B4GALNT3: variants seen among roughly 807,000 people sequenced by gnomAD.
B4GALNT3 encodes the protein beta-1,4-N-acetylgalactosaminyltransferase 3.
In B4GALNT3, 86 loss-of-function variants were observed where a neutral mutation model predicts 120.2. That is an observed-to-expected ratio of 0.72 (90% CI 0.60 to 0.86). The LOEUF (loss-of-function observed/expected upper bound fraction) is 0.86, where lower values mean the gene tolerates loss of function less well. B4GALNT3 is among the 40% of genes least tolerant of loss of function. The probability of loss-of-function intolerance (pLI) is 0.00; values close to 1 mark genes in which losing one functional copy is unlikely to be tolerated. For missense variants in B4GALNT3, 1,167 were observed against 1,298.9 expected (o/e 0.90, Z 1.56); for synonymous variants, 518 against 510.4 (o/e 1.01, Z -0.20).
intron 14 of B4GALNT3, among the ~76,000 whole-genome samples, chr12:555,994 A>G (rs1337865397): frequency 7.1e-4 from 107 of 151,576 alleles, no homozygotes; most frequent in Middle Eastern, 3.4e-3. Flanking sequence ...CATATTAGCC[A>G]GGCTGGTCTT....
chr12:515,707 G>A (rs1946646601), intron 1 of B4GALNT3, among the ~76,000 whole-genome samples: 1 of 152,146 alleles, frequency 6.6e-6, no homozygotes, highest in African/African-American at 2.4e-5. Context: ...TGAAAACCAA[G>A]GCTTAGAGAT....
intron 1 of B4GALNT3, among the ~76,000 whole-genome samples, chr12:481,730 C>T (rs1946245203): frequency 6.6e-6 from 1 of 152,160 alleles, no homozygotes; most frequent in African/African-American, 2.4e-5. Flanking sequence ...TGGGGGGAGT[C>T]TCAGCCGCCC....
At chr12:558,236 C>A in intron 17 of B4GALNT3, 148 bp downstream of exon 17, 2 of 926,016 alleles carry the variant, frequency 2.2e-6, no homozygotes, top group Non-Finnish European at 3.3e-6. Flanking sequence ...CAGGCCAGTG[C>A]TAGGGTGGGA....
chr12:525,466 T>C (rs10774291), intron 1 of B4GALNT3, among the ~76,000 whole-genome samples: 59,102 of 152,044 alleles, frequency 0.39, 12,794 homozygotes, highest in East Asian at 0.65. Context: ...CCGTTGCTGG[T>C]GAGGTGATGC....
intron 1 of B4GALNT3, among the ~76,000 whole-genome samples, chr12:489,253 G>C (rs1295788052): frequency 6.6e-6 from 1 of 151,322 alleles, no homozygotes; most frequent in Non-Finnish European, 1.5e-5. Flanking sequence ...GGGTTGATAA[G>C]GGAAGCAAAC....
At chr12:511,808 A>T (rs1161984484) in intron 1 of B4GALNT3, among the ~76,000 whole-genome samples, 1 of 41,136 alleles carries the variant, frequency 2.4e-5, no homozygotes, top group Non-Finnish European at 5.2e-5. Flanking sequence ...ACCTTCTTCC[A>T]CCTTCTTCCA....
chr12:472,862 C>T (rs562044156), intron 1 of B4GALNT3, among the ~76,000 whole-genome samples: 3 of 152,184 alleles, frequency 2.0e-5, no homozygotes, highest in Non-Finnish European at 4.4e-5. Flanking sequence ...GGATTACAGG[C>T]ACAAGCCACT....
chr12:543,131 G>A (rs775589740), intron 3 of B4GALNT3: 11 of 1,289,326 alleles, frequency 8.5e-6, no homozygotes, highest in African/African-American at 6.1e-5. Context: ...TCCAGGGAGA[G>A]TATGTGTGTG....
intron 2 of B4GALNT3, 145 bp downstream of exon 2, chr12:535,414 A>G: frequency 1.6e-6 from 1 of 613,578 alleles, no homozygotes; most frequent in Non-Finnish European, 2.8e-6. Context: ...GTCTGGCCTC[A>G]GGACCTCCTA....
At chr12:487,102 T>C (rs1946296805) in intron 1 of B4GALNT3, among the ~76,000 whole-genome samples, 1 of 152,162 alleles carries the variant, frequency 6.6e-6, no homozygotes, top group African/African-American at 2.4e-5. Context: ...AAAGGATCTC[T>C]GAGCTTTAGG....
intron 1 of B4GALNT3, among the ~76,000 whole-genome samples, chr12:502,506 G>A (rs1244426197): frequency 2.0e-5 from 3 of 152,054 alleles, no homozygotes; most frequent in African/African-American, 7.3e-5. Context: ...AGGGCTGAGA[G>A]ACATGTTAAG....
In B4GALNT3 at chr12:532,955, T is replaced by G. The variant is rs150759828; in HGVS notation, c.170-2211T>G. On this transcript the variant is annotated intron_variant, in intron 1 of 19. Coordinates refer to ENST00000266383, the MANE Select transcript of B4GALNT3 (RefSeq NM_173593.4). ...AGGAATGTGCACCTGAGACGCACTG[T>G]AACTCCCACTGATGGGGCAGGCAGC... Among the ~76,000 whole-genome samples, 25 of 152,338 alleles carry G rather than the reference T, an allele frequency of 1.6e-4. No homozygotes were observed. The East Asian group carries it at 2.9e-3, about 18-fold the overall frequency.
At chr12:506,729 C>T (rs924762237) in intron 1 of B4GALNT3, among the ~76,000 whole-genome samples, 10 of 152,246 alleles carry the variant, frequency 6.6e-5, no homozygotes, top group African/African-American at 1.2e-4. Context: ...CTCCGCCTCC[C>T]GGGTTCACGC....
chr12:515,346 A>T (rs1043767410), intron 1 of B4GALNT3, among the ~76,000 whole-genome samples: 3 of 151,434 alleles, frequency 2.0e-5, no homozygotes, highest in Admixed American at 2.0e-4. Context: ...GGCGGGCACC[A>T]CCACACCCAG....
At chr12:547,047 C>T (rs571127855) in intron 7 of B4GALNT3, among the ~76,000 whole-genome samples, 1 of 152,360 alleles carries the variant, frequency 6.6e-6, no homozygotes, top group Non-Finnish European at 1.5e-5. Context: ...ACCGAGGTCC[C>T]CCTCGGTCGT....
intron 6 of B4GALNT3, among the ~76,000 whole-genome samples, chr12:545,690 T>TGTGGGGAGGAGTGAGGA: frequency 1.2e-5 from 1 of 86,494 alleles, no homozygotes; most frequent in South Asian, 4.0e-4. Context: ...AGGAGCGAGG[T>TGTGGGGAGGAGTGAGGA]GTGGGGAGGA....
chr12:551,299 A>G (rs1947079854), intron 11 of B4GALNT3, among the ~76,000 whole-genome samples: 1 of 152,206 alleles, frequency 6.6e-6, no homozygotes, highest in Admixed American at 6.5e-5. Flanking sequence ...TGATGATATC[A>G]GGTGGCCTGG....
intron 1 of B4GALNT3, among the ~76,000 whole-genome samples, chr12:508,252 C>T (rs1004135249): frequency 9.9e-5 from 15 of 152,172 alleles, no homozygotes; most frequent in Non-Finnish European, 1.8e-4. Flanking sequence ...TCAGAAGGTC[C>T]AGTGCATATT....
At chr12:557,839 A>G in intron 16 of B4GALNT3, 78 bp downstream of exon 16, 1 of 1,526,464 alleles carries the variant, frequency 6.6e-7, no homozygotes, top group Non-Finnish European at 8.9e-7. Context: ...TCCAGGGTAG[A>G]GCCAGGAGTC....
Sources: gnomAD v4.1 joint callset for allele counts (sites outside exome capture counted in the v4.1 genomes callset) on GRCh38, gnomAD v4.1.1 for gene constraint, MANE v1.5 for transcripts, NCBI Gene and HGNC (gene_info 2026-07-23, HGNC 2026-07-21) for gene names.